OMD: variants seen among roughly 807,000 people sequenced by gnomAD.
The protein encoded by OMD is KSPG osteomodulin.
Under a neutral mutation model 31.2 loss-of-function variants are expected in OMD, and 19 were observed. That is an observed-to-expected ratio of 0.61 (90% CI 0.42 to 0.89). The LOEUF is 0.89. Among genes scored for constraint, OMD ranks in the 40% least tolerant of loss-of-function variants. The probability of loss-of-function intolerance (pLI) is 0.00; values close to 1 mark genes in which losing one functional copy is unlikely to be tolerated. For missense variants in OMD, 448 were observed against 490.8 expected (o/e 0.91, Z 0.82); for synonymous variants, 155 against 166.4 (o/e 0.93, Z 0.53).
At chr9:92,421,773 A>C (rs1843803381) in intron 1 of OMD, among the ~76,000 whole-genome samples, 1 of 152,208 alleles carries the variant, frequency 6.6e-6, no homozygotes, top group Non-Finnish European at 1.5e-5. Flanking sequence ...CCTTCTGTAA[A>C]GAGCAAACAG....
Position 92,415,139 on chromosome 9 carries a change from A to G in OMD, c.*13T>C, listed in dbSNP as rs768184042. ...TTTGTGAAGTCGTAAGTGTATACCT[A>G]TATAGTTTCTTGCTATTCTTGATTT... is the stretch of plus-strand genomic sequence containing the variant. On this transcript the variant is annotated 3_prime_UTR_variant, in exon 3 of 3. Transcript: ENST00000375550. The G allele has an allele frequency of 3.8e-6, 6 of 1,589,796 alleles. No individual in the cohort carries two copies. In the East Asian group the frequency reaches 1.3e-4, roughly 36 times the overall value.
intron 1 of OMD, among the ~76,000 whole-genome samples, chr9:92,418,883 T>C (rs911085593): frequency 6.6e-6 from 1 of 152,190 alleles, no homozygotes; most frequent in East Asian, 1.9e-4. Flanking sequence ...CTTTAAATCC[T>C]AAAGACATAC....
At position 92,415,221 on chromosome 9, in the gene OMD, A is replaced by G. The variant is rs1268001580; in HGVS notation, c.1197T>C (p.Ala399=). 6.2e-7 allele frequency: 1 copy of G among 1,613,732 alleles called. No homozygotes were observed. Among genetic ancestry groups the G allele is most frequent in the Admixed American group, 1.7e-5 (1 of 59,982 alleles). ...CTCCTTCTTGTTCTGGGCTCTCATG[A>G]GCATTGTCAGGATCATCGTGATCTT... ...ESEDHDDPDN[A]HESPEQEGAE... The change falls in exon 3 of 3, where the codon GCT becomes GCC. Residue 399 remains alanine, a synonymous_variant. Transcript: ENST00000375550.
chr9:92,416,968 A>G lies in OMD; in HGVS notation c.591T>C (p.Tyr197=), dbSNP rs1843633140. 3 of 1,614,004 alleles carry G rather than the reference A, an allele frequency of 1.9e-6. No individual in the cohort carries two copies. Among genetic ancestry groups the G allele is most frequent in the Admixed American group, 3.3e-5 (2 of 60,024 alleles). ...TGTCTTTTAGCAGAGAATCATGAAG[A>G]TAATTATAACAGAGATCAAGCATGG... The part of the protein sequence containing the change: ...NLTMLDLCYN[Y]LHDSLLKDKI... Residue 197 remains tyrosine, a synonymous_variant, in exon 2 of 3, where the codon TAT becomes TAC. Transcript: ENST00000375550.
rs1450293394 is a variant in OMD, at chr9:92,414,135, G to A, written c.*1017C>T. The A allele has an allele frequency of 1.2e-5, 2 of 167,936 alleles. No homozygotes were observed. Among genetic ancestry groups the A allele is most frequent in the Non-Finnish European group, 2.6e-5 (2 of 77,070 alleles). The allele number at this position is 167,936 out of a possible 1,614,324, so 10.4% of individuals were successfully genotyped here. A position where few individuals can be genotyped will look rare whatever the true frequency, so the allele number is the denominator to read the frequency against. On this transcript the variant is annotated 3_prime_UTR_variant, in exon 3 of 3. Transcript: ENST00000375550. ...CAATACTTAAAAATAATACATTAACGAAAAAGTGATTTTTAAGGTTTTAAA... is the reference window on the plus strand; with the variant it reads ...CAATACTTAAAAATAATACATTAACAAAAAAGTGATTTTTAAGGTTTTAAA...
chr9:92,414,104 C>A lies in OMD; in HGVS notation c.*1048G>T, dbSNP rs1843519254. 3.1e-5 allele frequency: 5 copies of A among 162,348 alleles called. No individual in the cohort carries two copies. In the Admixed American group the frequency reaches 3.2e-4, roughly 10 times the overall value. The allele number at this position is 162,348 out of a possible 1,614,324, so 10.1% of individuals were successfully genotyped here. A position where few individuals can be genotyped will look rare whatever the true frequency, so the allele number is the denominator to read the frequency against. The stretch of plus-strand genomic sequence containing the variant: ...GTTAGATAATCATCATTGTAAGGCA[C>A]ACTTACAATACTTAAAAATAATACA... On this transcript the variant is annotated 3_prime_UTR_variant, in exon 3 of 3. Transcript: ENST00000375550.
At chr9:92,416,058 G>GTA (rs1554760078) in intron 2 of OMD, among the ~76,000 whole-genome samples, 11,964 of 130,838 alleles carry the variant, frequency 0.091, 692 homozygotes, top group Middle Eastern at 0.14. Context: ...ATATATGTGT[G>GTA]TATATATATA....
At position 92,416,748 on chromosome 9, in the gene OMD, C is replaced by T; in HGVS notation, c.811G>A (p.Asp271Asn). The T allele has an allele frequency of 6.2e-7, 1 of 1,613,478 alleles. No individual in the cohort carries two copies. The highest frequency in any genetic ancestry group is 8.5e-7 in the Non-Finnish European group (1 of 1,179,592). The change falls in exon 2 of 3, where the codon GAC (aspartate) becomes AAC (asparagine). Residue 271 changes from aspartate (D) to asparagine (N), a missense_variant. Physicochemically the swap from Asp to Asn is conservative, Grantham distance 23. Coordinates refer to ENST00000375550, the MANE Select transcript of OMD (RefSeq NM_005014.3). ...TLRMSHNKLQ[D>N]IPYNIFNLPN... ...AGATTAAAAATATTATATGGGATGT[C>T]TTGTAGTTTGTTGTGTGACATTCTT...
intron 1 of OMD, among the ~76,000 whole-genome samples, chr9:92,421,360 C>G (rs574519260): frequency 5.9e-5 from 9 of 152,234 alleles, no homozygotes; most frequent in African/African-American, 2.2e-4. Flanking sequence ...TAAATTCTGA[C>G]CTGAGGAATT....
chr9:92,416,700 C>T lies in OMD; in HGVS notation c.859G>A (p.Val287Ile), dbSNP rs753348071. The change falls in exon 2 of 3, where the codon GTT becomes ATT. Residue 287 changes from valine to isoleucine, a missense_variant. Val to Ile is a conservative substitution (Grantham distance 29). Transcript: ENST00000375550. Reference sequence around the variant, plus strand: ...GCTTGCTTCAATTTGTTGTGTCCAACACTGAGTTCTACAATGTTGGGAAGA... The same window carrying T: ...GCTTGCTTCAATTTGTTGTGTCCAATACTGAGTTCTACAATGTTGGGAAGA... The part of the protein sequence containing the change: ...FNLPNIVELS[V>I]GHNKLKQAFY... The T allele has an allele frequency of 3.7e-6, 6 of 1,613,554 alleles. No individual in the cohort carries two copies. The highest frequency in any genetic ancestry group is 1.3e-5 in the African/African-American group (1 of 74,906).
chr9:92,422,644 G>A (rs181479089), intron 1 of OMD, among the ~76,000 whole-genome samples: 59 of 152,154 alleles, frequency 3.9e-4, no homozygotes, highest in Non-Finnish European at 7.4e-5. Context: ...CTCCCTCCAC[G>A]TTCCTAACCA....
chr9:92,413,363 G>A lies in OMD; in HGVS notation c.*1789C>T, dbSNP rs1198286873. Among the ~76,000 whole-genome samples the A allele has an allele frequency of 6.6e-6, 1 of 152,116 alleles. No individual in the cohort carries two copies. The highest frequency in any genetic ancestry group is 2.4e-5 in the African/African-American group (1 of 41,430). ...CAGTATTTACACTCCTTCCAAAGGT[G>A]TATGAAGGCTCCAATTTTTCCACAT... On this transcript the variant is annotated 3_prime_UTR_variant, in exon 3 of 3. Transcript: ENST00000375550.
intron 2 of OMD, among the ~76,000 whole-genome samples, chr9:92,416,387 G>A (rs1009367040): frequency 2.6e-5 from 4 of 152,006 alleles, no homozygotes; most frequent in Admixed American, 6.6e-5. Flanking sequence ...TTACAGGCAT[G>A]AGCCACCACG....
chr9:92,412,435 A>G lies in OMD; in HGVS notation c.*2717T>C, dbSNP rs1843470974. Among the ~76,000 whole-genome samples, 3 of 152,156 alleles carry G rather than the reference A, an allele frequency of 2.0e-5. No individual in the cohort carries two copies. Among genetic ancestry groups the G allele is most frequent in the South Asian group, 4.1e-4 (2 of 4,828 alleles). ...TTAGTGTTTTTGCATTTGTACAACC[A>G]TCACCACAGTCAATTTTGGAACATT... On this transcript the variant is annotated 3_prime_UTR_variant, in exon 3 of 3. Transcript: ENST00000375550.
rs1245599580 is a variant in OMD at position 92,413,179 on chromosome 9, G to T, written c.*1973C>A. The stretch of plus-strand genomic sequence containing the variant: ...ATTTTGTATTTTTAGTAGAGATGGG[G>T]TTTCTCCATGTTGGTCAGGCTGGTC... On this transcript the variant is annotated 3_prime_UTR_variant, in exon 3 of 3. Transcript: ENST00000375550. Among the ~76,000 whole-genome samples the T allele has an allele frequency of 6.6e-6, 1 of 151,700 alleles. No individual in the cohort carries two copies. The highest frequency in any genetic ancestry group is 1.5e-5 in the Non-Finnish European group (1 of 67,906).
chr9:92,422,470 AAAG>A (rs1843836449), intron 1 of OMD, among the ~76,000 whole-genome samples: 1 of 152,200 alleles, frequency 6.6e-6, no homozygotes, highest in South Asian at 2.1e-4. Context: ...TGTTGGGAAA[AAAG>A]AAGAAGGCCT....
chr9:92,416,086 ATTTATTTATTTATTTTATTT>A (rs1185623993), intron 2 of OMD, among the ~76,000 whole-genome samples: 3 of 142,132 alleles, frequency 2.1e-5, no homozygotes, highest in African/African-American at 7.7e-5. Flanking sequence ...TTATTTATTT[ATTTATTTATTTATTTTATTT>A]TTTTTTTTTT....
chr9:92,419,609 A>G (rs560469979), intron 1 of OMD, among the ~76,000 whole-genome samples: 1 of 152,268 alleles, frequency 6.6e-6, no homozygotes, highest in South Asian at 2.1e-4. Context: ...TCCTTGTGTC[A>G]TATCTTGCCT....
chr9:92,420,848 T>C (rs1044219228), intron 1 of OMD, among the ~76,000 whole-genome samples: 1 of 149,566 alleles, frequency 6.7e-6, no homozygotes, highest in African/African-American at 2.4e-5. Context: ...TTCTGTGAGA[T>C]TCGTGGAAGA....
Sources: allele counts gnomAD v4.1 joint callset (sites outside exome capture counted in the v4.1 genomes callset), GRCh38; gene constraint gnomAD v4.1.1; transcripts MANE v1.5; gene names NCBI Gene and HGNC (gene_info 2026-07-23, HGNC 2026-07-21).